EML6: variants seen among roughly 807,000 people sequenced by gnomAD.
EML6 encodes EMAP like 6, also known as echinoderm microtubule-associated protein-like 6.
Under a neutral mutation model 240.1 loss-of-function variants are expected in EML6, and 154 were observed. The observed-to-expected ratio is 0.64, with a 90% confidence interval of 0.56 to 0.73. The LOEUF (loss-of-function observed/expected upper bound fraction) is 0.73. EML6 is among the 30% of genes least tolerant of loss of function. The pLI is 0.00. For missense variants in EML6, 2,964 were observed against 2,474.6 expected (o/e 1.20, Z -4.20); for synonymous variants, 1,148 against 899.0 (o/e 1.28, Z -4.95).
intron 7 of EML6, among the ~76,000 whole-genome samples, chr2:54,841,058 A>G (rs1222661938): frequency 6.6e-6 from 1 of 151,460 alleles, no homozygotes; most frequent in Admixed American, 6.6e-5. Flanking sequence ...CTGAGTGGTA[A>G]TGAAACCCCG....
rs932135641 is a variant in EML6 at position 54,847,362 on chromosome 2, G to GGT, written c.1050-120_1050-119dup. The GGT allele has an allele frequency of 4.2e-6, 4 of 953,674 alleles. No individual in the cohort carries two copies. The African/African-American group carries it at 6.6e-5, about 16-fold the overall frequency. 59.1% of individuals were successfully genotyped at this position (953,674 alleles called of 1,614,324 possible). The stretch of plus-strand genomic sequence containing the variant: ...CTGACAGGCCATGATAAAGGGCTCT[G>GGT]GTGTGAAGTTCCTATGTCTTTTCTT... On this transcript the variant is annotated intron_variant, in intron 8 of 41. Coordinates refer to ENST00000356458, the MANE Select transcript of EML6 (RefSeq NM_001039753.4).
chr2:54,926,421 T>C lies in EML6; in HGVS notation c.3676-1892T>C, dbSNP rs1674549834. 3.9e-5 allele frequency among the ~76,000 whole-genome samples: 6 copies of C among 152,182 alleles called. No homozygotes were observed. The South Asian group carries it at 1.2e-3, about 31-fold the overall frequency. The stretch of plus-strand genomic sequence containing the variant: ...CTGGCCATATTCCAGGTTTTTCTGG[T>C]GCTATCATCCATTATTTCATCACTT... On this transcript the variant is annotated intron_variant, in intron 26 of 41. Transcript: ENST00000356458.
intron 31 of EML6, among the ~76,000 whole-genome samples, chr2:54,953,176 T>C (rs534612702): frequency 1.3e-5 from 2 of 152,320 alleles, no homozygotes; most frequent in African/African-American, 4.8e-5. Flanking sequence ...ATGTCCATTT[T>C]TAAGTTTAAT....
chr2:54,775,273 A>C (rs1668552998), intron 2 of EML6, among the ~76,000 whole-genome samples: 1 of 152,248 alleles, frequency 6.6e-6, no homozygotes, highest in African/African-American at 2.4e-5. Flanking sequence ...TAGGCCCTGC[A>C]GGCACTGGCC....
rs1573216774 is a variant in EML6 at position 54,957,882 on chromosome 2, G to A, written c.4579G>A (p.Val1527Ile). The A allele has an allele frequency of 6.4e-7, 1 of 1,551,494 alleles. No homozygotes were observed. Among genetic ancestry groups the A allele is most frequent in the Non-Finnish European group, 8.7e-7 (1 of 1,147,004 alleles). Residue 1527 changes from valine (V) to isoleucine (I), a missense_variant, in exon 33 of 42, where the codon GTC (valine) becomes ATC (isoleucine). Val to Ile is a conservative substitution (Grantham distance 29). Transcript: ENST00000356458. ...AGACACGCAGTTTGTATCTGTCGGG[G>A]TCAAACATATGAAGTTCTGGACCCT... The part of the protein sequence containing the change: ...DSDTQFVSVG[V>I]KHMKFWTLAG...
chr2:54,971,751 A>C lies in EML6; in HGVS notation c.*1656A>C, dbSNP rs1677024922. ...ATCTTGTACTAGACTCTTCATGCTG[A>C]TCGGATCTTGCATTGAAATAACCAT... On this transcript the variant is annotated 3_prime_UTR_variant, in exon 42 of 42. Coordinates refer to ENST00000356458, the MANE Select transcript of EML6 (RefSeq NM_001039753.4). The C allele has an allele frequency of 6.6e-6, 1 of 152,216 alleles. No homozygotes were observed. The highest frequency in any genetic ancestry group is 2.1e-4 in the South Asian group (1 of 4,832). 9.4% of individuals were successfully genotyped at this position (152,216 alleles called of 1,614,324 possible).
chr2:54,907,038 G>A (rs1673362104), intron 24 of EML6, among the ~76,000 whole-genome samples: 1 of 152,096 alleles, frequency 6.6e-6, no homozygotes, highest in Admixed American at 6.5e-5. Context: ...CAGGTCCTTG[G>A]AAAACCAAAA....
intron 30 of EML6, among the ~76,000 whole-genome samples, chr2:54,951,851 A>G (rs1264683574): frequency 1.3e-5 from 2 of 152,022 alleles, no homozygotes; most frequent in South Asian, 2.1e-4. Context: ...TTGTCTATAT[A>G]TTTTCTTCAC....
chr2:54,744,893 A>AACACACACACGT (rs1683831626), intron 2 of EML6, among the ~76,000 whole-genome samples: 1 of 134,210 alleles, frequency 7.5e-6, no homozygotes, highest in Non-Finnish European at 1.6e-5. Flanking sequence ...TGTATAACAC[A>AACACACACACGT]ACACACACAC....
Position 54,725,626 on chromosome 2 carries a change from G to T in EML6, c.197+368G>T, listed in dbSNP as rs376407855. ...CACGGTAGGACCAATAACCTGAAGT[G>T]TGGGCATCATCTTTGGGAGGCTCCT... is the stretch of plus-strand genomic sequence containing the variant. On this transcript the variant is annotated intron_variant, in intron 2 of 41. Coordinates refer to ENST00000356458, the MANE Select transcript of EML6 (RefSeq NM_001039753.4). The surrounding 1 kb of genome is among the most constrained non-coding windows in gnomAD (Gnocchi z 4.3). Among the ~76,000 whole-genome samples the T allele has an allele frequency of 1.3e-5, 2 of 152,164 alleles. No individual in the cohort carries two copies. Among genetic ancestry groups the T allele is most frequent in the East Asian group, 3.9e-4 (2 of 5,194 alleles).
intron 39 of EML6, 45 bp downstream of exon 39, chr2:54,967,148 GTC>G (rs1253095718): frequency 3.2e-6 from 4 of 1,233,634 alleles, no homozygotes; most frequent in South Asian, 1.3e-5. Flanking sequence ...TCACAAGGGA[GTC>G]TCTTGTCTCA....
chr2:54,907,954 T>G (rs1197141238), intron 24 of EML6, among the ~76,000 whole-genome samples: 1 of 35,076 alleles, frequency 2.9e-5, no homozygotes, highest in Non-Finnish European at 7.0e-5. Flanking sequence ...ATAAGATAGA[T>G]AGATAGATAG....
chr2:54,791,643 C>T (rs1214139609), intron 2 of EML6, among the ~76,000 whole-genome samples: 1 of 152,176 alleles, frequency 6.6e-6, no homozygotes, highest in Non-Finnish European at 1.5e-5. Flanking sequence ...TTTTGTTCTT[C>T]TCTCCATGGC....
At chr2:54,869,131 G>T (rs1380799883) in intron 14 of EML6, 50 bp from the exon 15 acceptor site, 1 of 1,286,518 alleles carries the variant, frequency 7.8e-7, no homozygotes, top group East Asian at 2.5e-5. Flanking sequence ...CCTGCTCCAT[G>T]CATTTGCTGT....
rs142304171 is a variant in EML6, at chr2:54,849,650, G to A, written c.1188-312G>A. On this transcript the variant is annotated intron_variant, in intron 9 of 41. Transcript: ENST00000356458. ...ACTACAGGCGCCTGCCACCACGGCC[G>A]GCTAATTTTTTGTATTTTTCATAGA... Among the ~76,000 whole-genome samples, 1,434 of 152,172 alleles carry A rather than the reference G, an allele frequency of 9.4e-3. 21 individuals are homozygous for A. The highest frequency in any genetic ancestry group is 0.032 in the African/African-American group (1,348 of 41,510).
In EML6 at chr2:54,952,687, A is replaced by G; in HGVS notation, c.4307A>G (p.Gln1436Arg). The G allele has an allele frequency of 6.5e-7, 1 of 1,549,994 alleles. No homozygotes were observed. Among genetic ancestry groups the G allele is most frequent in the East Asian group, 2.4e-5 (1 of 40,916 alleles). ...TACAGAAACGTGGTGGCCACCAGCC[A>G]GATAGGTAGGAGGTCCTGTGGCAGC... ...PKYRNVVATS[Q>R]IGTTPSIHIW... is the part of the protein sequence containing the mutation. The change falls in exon 31 of 42, where the codon CAG (glutamine) becomes CGG (arginine). Residue 1436 changes from glutamine to arginine, a missense_variant. By Grantham distance (43) the Gln-to-Arg change is conservative. Transcript: ENST00000356458.
chr2:54,967,743 C>A (rs562706901), intron 39 of EML6, among the ~76,000 whole-genome samples: 14 of 152,208 alleles, frequency 9.2e-5, no homozygotes, highest in African/African-American at 3.1e-4. Context: ...CACCAGGGAC[C>A]AATTTCATGG....
chr2:54,965,028 T>C (rs533136699), intron 38 of EML6, among the ~76,000 whole-genome samples: 10 of 152,354 alleles, frequency 6.6e-5, no homozygotes, highest in African/African-American at 2.4e-4. Flanking sequence ...AGTTTCCTGA[T>C]TTCTAGTTTT....
chr2:54,737,014 A>T (rs994963034), intron 2 of EML6, among the ~76,000 whole-genome samples: 1 of 152,230 alleles, frequency 6.6e-6, no homozygotes, highest in Non-Finnish European at 1.5e-5. Flanking sequence ...ACTAAATGCA[A>T]TGTGTGACTT....
Sources: allele counts gnomAD v4.1 joint callset (sites outside exome capture counted in the v4.1 genomes callset), GRCh38; gene constraint gnomAD v4.1.1; non-coding constraint Gnocchi (gnomAD v3.1); transcripts MANE v1.5; gene names NCBI Gene and HGNC (gene_info 2026-07-23, HGNC 2026-07-21).